LARP1: variants seen among roughly 807,000 people sequenced by gnomAD.
LARP1 encodes la-related protein 1.
A neutral mutation model predicts 122.7 loss-of-function variants in LARP1; 36 were observed. The observed-to-expected ratio is 0.29, with a 90% CI of 0.22 to 0.39. LARP1 has a LOEUF of 0.39. Ranked by LOEUF, LARP1 falls within the 10% of genes least tolerant of loss-of-function variation. The probability of loss-of-function intolerance (pLI) is 1.00; values close to 1 mark genes in which losing one functional copy is unlikely to be tolerated. For missense variants in LARP1, 1,040 were observed against 1,403.6 expected, an observed-to-expected ratio of 0.74 and a Z score of 4.14; for synonymous variants, 539 against 528.7, an observed-to-expected ratio of 1.02 and a Z score of -0.27.
chr5:154,808,608 G>A lies in LARP1; in HGVS notation c.2843+5G>A. On this transcript the variant is annotated splice_donor_5th_base_variant and intron_variant, in intron 16 of 18. Coordinates refer to ENST00000518297, the MANE Select transcript of LARP1 (RefSeq NM_033551.3). ...GGACGCCAAAGAAGGCTACAGGTGA[G>A]CAGGTTTGGGTGGGGGACTTTGGCT... The A allele has an allele frequency of 6.2e-7, 1 of 1,611,550 alleles. No homozygotes were observed. Among genetic ancestry groups the A allele is most frequent in the Non-Finnish European group, 8.5e-7 (1 of 1,178,790 alleles).
chr5:154,800,564 C>T (rs1221907546), intron 10 of LARP1, among the ~76,000 whole-genome samples: 3 of 151,660 alleles, frequency 2.0e-5, no homozygotes, highest in Non-Finnish European at 4.4e-5. Context: ...TTCAGTTTCT[C>T]CATCTGCAGA....
intron 1 of LARP1, among the ~76,000 whole-genome samples, chr5:154,733,855 G>T (rs1756727217): frequency 1.3e-5 from 2 of 152,096 alleles, no homozygotes; most frequent in Non-Finnish European, 2.9e-5. Context: ...GAGCCACCGT[G>T]CCTGGCCATA....
chr5:154,759,991 G>C (rs1414545398), intron 1 of LARP1, among the ~76,000 whole-genome samples: 2 of 152,134 alleles, frequency 1.3e-5, no homozygotes, highest in Admixed American at 1.3e-4. Context: ...CCAGATTGGA[G>C]TGCAGTGGTG....
At chr5:154,792,263 A>G (rs907374338) in intron 3 of LARP1, among the ~76,000 whole-genome samples, 1 of 152,144 alleles carries the variant, frequency 6.6e-6, no homozygotes, top group African/African-American at 2.4e-5. Context: ...TCACAGACAG[A>G]GTTGTTGTTG....
chr5:154,797,087 G>A (rs1247640986), intron 8 of LARP1, among the ~76,000 whole-genome samples: 1 of 152,056 alleles, frequency 6.6e-6, no homozygotes, highest in Non-Finnish European at 1.5e-5. Context: ...TTTCTTTTGG[G>A]AAATGGTATT....
At chr5:154,808,100 T>C (rs570592596) in intron 15 of LARP1, among the ~76,000 whole-genome samples, 3 of 152,336 alleles carry the variant, frequency 2.0e-5, no homozygotes, top group South Asian at 4.1e-4. Flanking sequence ...GAGGTAAATA[T>C]TGGTAATGAG....
Position 154,757,488 on chromosome 5 carries a change from T to G in LARP1, c.436+1295T>G, listed in dbSNP as rs545873842. Among the ~76,000 whole-genome samples, 175 of 151,698 alleles carry G rather than the reference T, an allele frequency of 1.2e-3. 1 individual carries two copies. The highest frequency in any genetic ancestry group is 4.0e-3 in the African/African-American group (166 of 41,360). ...TGGTTTTGGGTCCGTTTGTGGTGGG[T>G]CGGTTTTAAAATTGTCTTGCAGTTG... On this transcript the variant is annotated intron_variant, in intron 1 of 18. Coordinates refer to ENST00000518297, the MANE Select transcript of LARP1 (RefSeq NM_033551.3).
At chr5:154,717,246 C>T (rs1755567356) in intron 1 of LARP1, among the ~76,000 whole-genome samples, 1 of 152,034 alleles carries the variant, frequency 6.6e-6, no homozygotes, top group African/African-American at 2.4e-5. Context: ...ATCTAGTTTG[C>T]TACAGTCCCT....
In LARP1 at chr5:154,814,009, A is replaced by C. The variant is rs749811367; in HGVS notation, c.3204A>C (p.Gln1068His). 12 of 1,613,270 alleles carry C rather than the reference A, an allele frequency of 7.4e-6. No homozygotes were observed. In the South Asian group the frequency reaches 1.3e-4, roughly 18 times the overall value. The change falls in exon 19 of 19, where the codon CAA becomes CAC. Residue 1068 changes from glutamine (Q) to histidine (H), a missense_variant. By Grantham distance (24) the Gln-to-His change is conservative. This residue lies in a region of LARP1 where 129 missense variants were observed against 160.8 expected (regional missense o/e 0.80). Transcript: ENST00000518297. ...GCAGGCCTGCTGCCATGATCAGCCA[A>C]CCCCCTACACCACCCACCGGCCAGC... The part of the protein sequence containing the change: ...SSSRPAAMIS[Q>H]PPTPPTGQPV...
intron 1 of LARP1, among the ~76,000 whole-genome samples, chr5:154,741,903 G>A (rs1752903756): frequency 6.6e-6 from 1 of 152,198 alleles, no homozygotes; most frequent in Non-Finnish European, 1.5e-5. Flanking sequence ...ACCAGGCAAT[G>A]ATACCTATGC....
At chr5:154,772,015 A>AT (rs1165860944) in intron 1 of LARP1, among the ~76,000 whole-genome samples, 1 of 152,212 alleles carries the variant, frequency 6.6e-6, no homozygotes, top group Non-Finnish European at 1.5e-5. Context: ...AAAATGTCCA[A>AT]ATATATTTTA....
In LARP1 at chr5:154,815,731, A is replaced by C. The variant is rs954366118; in HGVS notation, c.*1635A>C. 2.6e-5 allele frequency: 4 copies of C among 152,252 alleles called. No individual in the cohort carries two copies. Among genetic ancestry groups the C allele is most frequent in the African/African-American group, 9.7e-5 (4 of 41,434 alleles). 9.4% of individuals were successfully genotyped at this position (152,252 alleles called of 1,614,324 possible). A position where few individuals can be genotyped will look rare whatever the true frequency, so the allele number is the denominator to read the frequency against. On this transcript the variant is annotated 3_prime_UTR_variant, in exon 19 of 19. Transcript: ENST00000518297. Reference sequence around the variant, plus strand: ...GGCAGGAAGGTATATGTGGACATAGAGTATACCTGATTCTCTTTCTTCAGC... The same window carrying C: ...GGCAGGAAGGTATATGTGGACATAGCGTATACCTGATTCTCTTTCTTCAGC...
At position 154,816,031 on chromosome 5, in the gene LARP1, G is replaced by C. The variant is rs1159740630; in HGVS notation, c.*1935G>C. 1.3e-5 allele frequency: 2 copies of C among 152,460 alleles called. No homozygotes were observed. Among genetic ancestry groups the C allele is most frequent in the African/African-American group, 2.4e-5 (1 of 41,460 alleles). The allele number at this position is 152,460 out of a possible 1,614,324, so 9.4% of individuals were successfully genotyped here. A position where few individuals can be genotyped will look rare whatever the true frequency, so the allele number is the denominator to read the frequency against. On this transcript the variant is annotated 3_prime_UTR_variant, in exon 19 of 19. Transcript: ENST00000518297. Reference sequence around the variant, plus strand: ...AGGAGACAGTATCCCAGGCTGACAAGGGCTTGCCCTTTACCTTGGGCACCT... The same window carrying C: ...AGGAGACAGTATCCCAGGCTGACAACGGCTTGCCCTTTACCTTGGGCACCT...
chr5:154,781,509 C>T (rs769968936), intron 1 of LARP1, among the ~76,000 whole-genome samples: 1 of 151,986 alleles, frequency 6.6e-6, no homozygotes, highest in Non-Finnish European at 1.5e-5. Flanking sequence ...AGGAGAATGG[C>T]GTGATCCTGG....
intron 1 of LARP1, among the ~76,000 whole-genome samples, chr5:154,764,518 T>C (rs1180559202): frequency 4.3e-5 from 5 of 116,312 alleles, no homozygotes; most frequent in Admixed American, 9.0e-5. Flanking sequence ...GAAGGATTGC[T>C]TGAGCCCAGG....
intron 1 of LARP1, among the ~76,000 whole-genome samples, chr5:154,770,053 G>A (rs1049434968): frequency 1.3e-5 from 2 of 152,104 alleles, no homozygotes; most frequent in African/African-American, 4.8e-5. Flanking sequence ...TGAAAGCATT[G>A]GAAGAGGTGA....
At position 154,795,998 on chromosome 5, in the gene LARP1, ATATATATTATATATT is replaced by A. The variant is rs1253850869; in HGVS notation, c.1377+694_1377+708del. 2.3e-3 allele frequency among the ~76,000 whole-genome samples: 226 copies of A among 97,196 alleles called. 2 individuals carry two copies. Among genetic ancestry groups the A allele is most frequent in the African/African-American group, 8.5e-3 (210 of 24,626 alleles). 63.8% of individuals were successfully genotyped at this position (97,196 alleles called of 152,430 possible). A position where few individuals can be genotyped will look rare whatever the true frequency, so the allele number is the denominator to read the frequency against. On this transcript the variant is annotated intron_variant, in intron 8 of 18. Transcript: ENST00000518297. ...ATATATTTATATATTATATATTTTT[ATATATATTATATATT>A]TATATATTATATATATTTTTATATA...
intron 1 of LARP1, chr5:154,713,213 T>C (rs1582183499): frequency 2.5e-6 from 3 of 1,212,744 alleles, no homozygotes; most frequent in South Asian, 1.4e-5. Flanking sequence ...GGCAGAAACC[T>C]TGGGTGCTGG....
At position 154,756,198 on chromosome 5, in the gene LARP1, G is replaced by A; in HGVS notation, c.436+5G>A. ...TGAACGGACAGTCCCCCCCAGGTGG[G>A]TCTCCCTCCTTGCCCTCCTGGGTCC... On this transcript the variant is annotated splice_donor_5th_base_variant and intron_variant, in intron 1 of 18. Coordinates refer to ENST00000518297, the MANE Select transcript of LARP1 (RefSeq NM_033551.3). 1 of 1,269,616 alleles carries A rather than the reference G, an allele frequency of 7.9e-7. No individual in the cohort carries two copies. Among genetic ancestry groups the A allele is most frequent in the East Asian group, 7.1e-5 (1 of 14,018 alleles). The allele number at this position is 1,269,616 out of a possible 1,614,324, so 78.6% of individuals were successfully genotyped here.
Sources: allele counts gnomAD v4.1 joint callset (sites outside exome capture counted in the v4.1 genomes callset), GRCh38; gene constraint gnomAD v4.1.1; regional missense constraint gnomAD v4.1.1; transcripts MANE v1.5; gene names NCBI Gene and HGNC (gene_info 2026-07-23, HGNC 2026-07-21).